The following TMEM40 variants were observed in gnomAD, a reference collection of about 807,000 sequenced individuals.
TMEM40 encodes the protein transmembrane protein 40.
A neutral mutation model predicts 40.8 loss-of-function variants in TMEM40; 34 were observed. The observed-to-expected ratio is 0.83, with a 90% CI of 0.63 to 1.11. The LOEUF (loss-of-function observed/expected upper bound fraction) is 1.11, where lower values mean the gene tolerates loss of function less well. TMEM40 is among the 50% of genes least tolerant of loss of function. The probability of loss-of-function intolerance (pLI) is 0.00; values close to 1 mark genes in which losing one functional copy is unlikely to be tolerated. For synonymous variants in TMEM40, 106 were observed against 107.0 expected, an observed-to-expected ratio of 0.99 and a Z score of 0.06; for missense variants, 296 against 280.2, an observed-to-expected ratio of 1.06 and a Z score of -0.40.
At chr3:12,749,578 G>C (rs952101084) in intron 2 of TMEM40, among the ~76,000 whole-genome samples, 182 bp downstream of exon 2, 3 of 152,178 alleles carry the variant, frequency 2.0e-5, no homozygotes, top group Non-Finnish European at 2.9e-5. Flanking sequence ...GACAGCACAG[G>C]AGGACAGATT....
chr3:12,746,487 T>A (rs9867684), intron 3 of TMEM40, among the ~76,000 whole-genome samples: 18,027 of 152,176 alleles, frequency 0.12, 3,055 homozygotes, highest in African/African-American at 0.38. Flanking sequence ...GCATCTAAAA[T>A]TAACTGGATT....
chr3:12,763,890 G>A (rs916994466), upstream of TMEM40, among the ~76,000 whole-genome samples: 1 of 152,052 alleles, frequency 6.6e-6, no homozygotes, highest in African/African-American at 2.4e-5. Context: ...CCAGGAGCCT[G>A]GTTCTTTACA....
Position 12,734,759 on chromosome 3 carries a change from C to T in TMEM40, c.*15G>A, listed in dbSNP as rs2061326110. ...CACACTGGGGCCTGCCTCTGCTGCC[C>T]ACCTGGAAGTGGCCTCAGTCAGTCT... On this transcript the variant is annotated 3_prime_UTR_variant, in exon 12 of 12. Coordinates refer to ENST00000314124, the MANE Select transcript of TMEM40 (RefSeq NM_018306.4). 1.3e-6 allele frequency: 2 copies of T among 1,593,198 alleles called. No homozygotes were observed. Among genetic ancestry groups the T allele is most frequent in the Non-Finnish European group, 1.7e-6 (2 of 1,170,618 alleles).
At chr3:12,752,759 C>T (rs765290824) in intron 1 of TMEM40, among the ~76,000 whole-genome samples, 9 of 151,382 alleles carry the variant, frequency 5.9e-5, no homozygotes, top group Non-Finnish European at 8.8e-5. Flanking sequence ...ATTGAGATCG[C>T]GCGACTGCAC....
intron 1 of TMEM40, among the ~76,000 whole-genome samples, chr3:12,751,650 T>C (rs2061477404): frequency 6.6e-6 from 1 of 152,116 alleles, no homozygotes; most frequent in African/African-American, 2.4e-5. Context: ...TCACTAGCCA[T>C]TAAAATGCAT....
intron 1 of TMEM40, among the ~76,000 whole-genome samples, chr3:12,751,946 T>A (rs560184707): frequency 6.2e-4 from 94 of 152,294 alleles, no homozygotes; most frequent in Non-Finnish European, 8.4e-4. Context: ...TTTGGCTTAG[T>A]CCATTCTTTC....
At chr3:12,764,672 C>T (rs2061586184) in intron 1 of TMEM40, among the ~76,000 whole-genome samples, 1 of 152,108 alleles carries the variant, frequency 6.6e-6, no homozygotes, top group Non-Finnish European at 1.5e-5. Flanking sequence ...AGTTGTTTCA[C>T]CTGTAAAATG....
chr3:12,748,550 G>T (rs924201751), intron 3 of TMEM40, 105 bp downstream of exon 3: 2 of 1,443,174 alleles, frequency 1.4e-6, no homozygotes, highest in African/African-American at 1.4e-5. Context: ...GTGGAGAAAC[G>T]GTATTGGAGT....
chr3:12,736,394 C>T (rs2106604723), intron 10 of TMEM40, among the ~76,000 whole-genome samples, 184 bp downstream of exon 10: 1 of 152,322 alleles, frequency 6.6e-6, no homozygotes, highest in South Asian at 2.1e-4. Flanking sequence ...AGGTGATCCA[C>T]ACACCTCAGC....
intron 5 of TMEM40, among the ~76,000 whole-genome samples, chr3:12,741,675 G>A (rs111670167): frequency 1.3e-5 from 2 of 150,612 alleles, no homozygotes; most frequent in African/African-American, 4.9e-5. Flanking sequence ...AAACATAAAG[G>A]TTTATCTTAT....
Position 12,749,829 on chromosome 3 carries a change from C to G in TMEM40, c.4G>C (p.Glu2Gln), listed in dbSNP as rs1177576409. The G allele has an allele frequency of 6.2e-7, 1 of 1,613,730 alleles. No homozygotes were observed. Among genetic ancestry groups the G allele is most frequent in the African/African-American group, 1.3e-5 (1 of 74,898 alleles). Residue 2 changes from glutamate to glutamine, a missense_variant, in exon 2 of 12, where the codon GAG becomes CAG. By Grantham distance (29) the Glu-to-Gln change is conservative. Transcript: ENST00000314124. M[E>Q]TSASSSQPQD... is the part of the protein sequence containing the mutation. ...GGCTGGGAGGAGGATGCTGAAGTCT[C>G]CATGGCTTTTCCTGGAGGAATAACA... is the stretch of plus-strand genomic sequence containing the variant.
chr3:12,736,330 A>G (rs1204687064), intron 10 of TMEM40, among the ~76,000 whole-genome samples: 1 of 151,968 alleles, frequency 6.6e-6, no homozygotes, highest in East Asian at 1.9e-4. Context: ...TTGTATTTTT[A>G]GTAGAGACAG....
chr3:12,734,799 A>G lies in TMEM40; in HGVS notation c.683-6T>C. 6.3e-7 allele frequency: 1 copy of G among 1,599,082 alleles called. No individual in the cohort carries two copies. Among genetic ancestry groups the G allele is most frequent in the Non-Finnish European group, 8.5e-7 (1 of 1,173,224 alleles). ...TCAGTCAGTCTTCCTGAACCCTGGAAGGCAAAGACCACAGGATGGCATGGG... is the reference window on the plus strand; with the variant it reads ...TCAGTCAGTCTTCCTGAACCCTGGAGGGCAAAGACCACAGGATGGCATGGG... On this transcript the variant is annotated splice_polypyrimidine_tract_variant and splice_region_variant and intron_variant, in intron 11 of 11. Coordinates refer to ENST00000314124, the MANE Select transcript of TMEM40 (RefSeq NM_018306.4).
chr3:12,769,362 G>GGCTGAGGAGGCACCAAGAGCAA (rs1407928980), exon 1 of TMEM40: 3 of 245,350 alleles, frequency 1.2e-5, no homozygotes, highest in Non-Finnish European at 2.8e-5. Flanking sequence ...TGGGCGCCGA[G>GGCTGAGGAGGCACCAAGAGCAA]GCTGAGGAGG....
chr3:12,749,759 C>T lies in TMEM40; in HGVS notation c.73+1G>A, dbSNP rs907521977. 7.4e-6 allele frequency: 12 copies of T among 1,613,450 alleles called. No individual in the cohort carries two copies. The highest frequency in any genetic ancestry group is 1.0e-5 in the Non-Finnish European group (12 of 1,179,902). ...CAGAGGGTCAGAGAAGGCAAACGTA[C>T]AGTCTACATCTTCTGTTTCTCTGTG... On this transcript the variant is annotated splice_donor_variant, in intron 2 of 11. Transcript: ENST00000314124. LOFTEE classifies it high-confidence loss of function.
intron 3 of TMEM40, among the ~76,000 whole-genome samples, chr3:12,744,577 C>T (rs2061412363): frequency 6.6e-6 from 1 of 152,192 alleles, no homozygotes; most frequent in Non-Finnish European, 1.5e-5. Context: ...CTCTCTCCAA[C>T]CATTTCATCT....
Position 12,755,276 on chromosome 3 carries a change from TTTCTTTC to T in TMEM40, c.-9+3908_-9+3914del, listed in dbSNP as rs1344412370. ...CTTTCTTTCTTTCTTTCTTTCTTTC[TTTCTTTC>T]TTCTTTTCTAGAGACAGGGTCTCAC... is the stretch of plus-strand genomic sequence containing the variant. On this transcript the variant is annotated intron_variant, in intron 1 of 11. Transcript: ENST00000314124. 1.3e-3 allele frequency among the ~76,000 whole-genome samples: 161 copies of T among 127,792 alleles called. 1 individual carries two copies. Among genetic ancestry groups the T allele is most frequent in the East Asian group, 8.9e-3 (41 of 4,610 alleles). The allele number at this position is 127,792 out of a possible 152,430, so 83.8% of individuals were successfully genotyped here. A position where few individuals can be genotyped will look rare whatever the true frequency, so the allele number is the denominator to read the frequency against.
upstream of TMEM40, among the ~76,000 whole-genome samples, chr3:12,760,334 T>C (rs2061560586): frequency 6.6e-6 from 1 of 152,050 alleles, no homozygotes; most frequent in Admixed American, 6.5e-5. Context: ...AAACCCAAGG[T>C]CTTACAAGCC....
At chr3:12,741,532 A>T (rs2061381316) in intron 5 of TMEM40, among the ~76,000 whole-genome samples, 1 of 152,152 alleles carries the variant, frequency 6.6e-6, no homozygotes, top group Non-Finnish European at 1.5e-5. Context: ...TGAAATGAGA[A>T]CTCAAGCAAT....
Sources: gnomAD v4.1 joint callset for allele counts (sites outside exome capture counted in the v4.1 genomes callset) on GRCh38, gnomAD v4.1.1 for gene constraint, MANE v1.5 for transcripts, NCBI Gene and HGNC (gene_info 2026-07-23, HGNC 2026-07-21) for gene names.